RPRD1B: variants seen among roughly 807,000 people sequenced by gnomAD.
RPRD1B encodes the protein regulation of nuclear pre-mRNA domain containing 1B, also known as regulation of nuclear pre-mRNA domain-containing protein 1B.
A neutral mutation model predicts 41.5 loss-of-function variants in RPRD1B; 11 were observed. That is an observed-to-expected ratio of 0.27 (90% CI 0.17 to 0.44). RPRD1B has a LOEUF of 0.44. RPRD1B is among the 20% of genes least tolerant of loss of function. The pLI is 1.00. For synonymous variants in RPRD1B, 158 were observed against 155.6 expected, an observed-to-expected ratio of 1.02 and a Z score of -0.12; for missense variants, 248 against 389.9, an observed-to-expected ratio of 0.64 and a Z score of 3.06.
rs1018154479 is a variant in RPRD1B, at chr20:38,090,992, G to A, written c.*1117G>A. ...TCGTCTCGGGCAGGGGAAGCGGGGA[G>A]TTGGGGATATTAATTGGGGGTTTTA... On this transcript the variant is annotated 3_prime_UTR_variant, in exon 7 of 7. Coordinates refer to ENST00000373433, the MANE Select transcript of RPRD1B (RefSeq NM_021215.4). 1.3e-5 allele frequency: 13 copies of A among 985,458 alleles called. No homozygotes were observed. The African/African-American group carries it at 2.1e-4, about 16-fold the overall frequency. The allele number at this position is 985,458 out of a possible 1,614,324, so 61.0% of individuals were successfully genotyped here. A position where few individuals can be genotyped will look rare whatever the true frequency, so the allele number is the denominator to read the frequency against.
At chr20:38,036,551 C>A (rs898283196) in intron 1 of RPRD1B, among the ~76,000 whole-genome samples, 2 of 152,156 alleles carry the variant, frequency 1.3e-5, no homozygotes, top group Non-Finnish European at 2.9e-5. Context: ...TGTTTATTTG[C>A]AACACCACAG....
intron 6 of RPRD1B, 118 bp downstream of exon 6, chr20:38,066,374 G>C (rs913662070): frequency 3.1e-6 from 3 of 975,550 alleles, no homozygotes; most frequent in Non-Finnish European, 4.5e-6. Context: ...TTCATGATGT[G>C]AATTCTGAAC....
intron 2 of RPRD1B, among the ~76,000 whole-genome samples, chr20:38,042,445 C>T (rs1385221912): frequency 6.6e-6 from 1 of 152,112 alleles, no homozygotes; most frequent in Non-Finnish European, 1.5e-5. Flanking sequence ...TGGGCAACAC[C>T]AGGGTTAAAA....
intron 1 of RPRD1B, among the ~76,000 whole-genome samples, chr20:38,037,157 CT>C (rs1213667720): frequency 1.3e-5 from 2 of 152,178 alleles, no homozygotes; most frequent in Non-Finnish European, 2.9e-5. Context: ...TAAAAATTAA[CT>C]TTTTTTCTTG....
In RPRD1B at chr20:38,034,112, C is replaced by T. The variant is rs765923454; in HGVS notation, c.151+14C>T. On this transcript the variant is annotated intron_variant, in intron 1 of 6. Coordinates refer to ENST00000373433, the MANE Select transcript of RPRD1B (RefSeq NM_021215.4). ...AGCTCCGCAAAGGTAAACACCAAATCCCCACCCCCTGGACGGTCCCCGGAT... is the reference window on the plus strand; with the variant it reads ...AGCTCCGCAAAGGTAAACACCAAATTCCCACCCCCTGGACGGTCCCCGGAT... 1.9e-6 allele frequency: 3 copies of T among 1,609,900 alleles called. No homozygotes were observed. The highest frequency in any genetic ancestry group is 1.3e-5 in the African/African-American group (1 of 75,036).
chr20:38,061,861 A>AC (rs745626754), intron 5 of RPRD1B, among the ~76,000 whole-genome samples: 1 of 151,374 alleles, frequency 6.6e-6, no homozygotes, highest in South Asian at 2.1e-4. Flanking sequence ...ATGCCTCCTG[A>AC]CCCCCCACCC....
chr20:38,086,946 GT>G (rs962274718), intron 6 of RPRD1B, among the ~76,000 whole-genome samples: 1 of 151,718 alleles, frequency 6.6e-6, no homozygotes, highest in African/African-American at 2.4e-5. Context: ...GTTTTTTGGG[GT>G]TTTTTTTGTT....
At chr20:38,034,524 G>C (rs1177150955) in intron 1 of RPRD1B, among the ~76,000 whole-genome samples, 1 of 152,336 alleles carries the variant, frequency 6.6e-6, no homozygotes, top group East Asian at 1.9e-4. Context: ...ATAATACTGG[G>C]AGAGTTTCTT....
At position 38,091,040 on chromosome 20, in the gene RPRD1B, CATT is replaced by C. The variant is rs2074607889; in HGVS notation, c.*1168_*1170del. On this transcript the variant is annotated 3_prime_UTR_variant, in exon 7 of 7. Transcript: ENST00000373433. ...TTAATTCTATTATCATGTCAGCTGA[CATT>C]ATGACTATATAATGTAGTTAGAGAC... The C allele has an allele frequency of 9.1e-6, 9 of 985,598 alleles. No homozygotes were observed. Among genetic ancestry groups the C allele is most frequent in the African/African-American group, 3.5e-5 (2 of 57,208 alleles). 61.1% of individuals were successfully genotyped at this position (985,598 alleles called of 1,614,324 possible).
chr20:38,090,757 G>A lies in RPRD1B; in HGVS notation c.*882G>A, dbSNP rs2074605426. The A allele has an allele frequency of 2.0e-6, 2 of 985,488 alleles. No homozygotes were observed. Among genetic ancestry groups the A allele is most frequent in the South Asian group, 9.4e-5 (2 of 21,290 alleles). 61.0% of individuals were successfully genotyped at this position (985,488 alleles called of 1,614,324 possible). On this transcript the variant is annotated 3_prime_UTR_variant, in exon 7 of 7. Transcript: ENST00000373433. ...CACAGGTGTGCTGCATTTGGGATCT[G>A]TGTGGGTGTTTCTTGGACCCTTTCT...
chr20:38,090,285 A>G lies in RPRD1B; in HGVS notation c.*410A>G. 2 of 988,438 alleles carry G rather than the reference A, an allele frequency of 2.0e-6. No homozygotes were observed. The highest frequency in any genetic ancestry group is 2.4e-6 in the Non-Finnish European group (2 of 831,658). 61.2% of individuals were successfully genotyped at this position (988,438 alleles called of 1,614,324 possible). A position where few individuals can be genotyped will look rare whatever the true frequency, so the allele number is the denominator to read the frequency against. On this transcript the variant is annotated 3_prime_UTR_variant, in exon 7 of 7. Coordinates refer to ENST00000373433, the MANE Select transcript of RPRD1B (RefSeq NM_021215.4). The stretch of plus-strand genomic sequence containing the variant: ...CTCCTTTCTGGGCTGGGCTTGTTCA[A>G]GTTCGGTGTGGGCTTCCACTAAGGC...
chr20:38,077,607 G>A (rs1341572730), intron 6 of RPRD1B, among the ~76,000 whole-genome samples: 1 of 152,056 alleles, frequency 6.6e-6, no homozygotes, highest in Non-Finnish European at 1.5e-5. Flanking sequence ...TAGGTGCTAC[G>A]CCAGTGTGGT....
intron 6 of RPRD1B, among the ~76,000 whole-genome samples, chr20:38,079,067 T>C (rs1446889762): frequency 2.6e-5 from 4 of 152,138 alleles, no homozygotes; most frequent in Non-Finnish European, 5.9e-5. Context: ...GGGGTGAGTG[T>C]TCTTTCTCCA....
intron 6 of RPRD1B, among the ~76,000 whole-genome samples, chr20:38,087,553 C>T (rs910230777): frequency 6.6e-6 from 1 of 152,174 alleles, no homozygotes; most frequent in African/African-American, 2.4e-5. Flanking sequence ...AGAATTCAGG[C>T]AGGGGGCAGG....
chr20:38,069,898 C>T (rs1200917608), intron 6 of RPRD1B, among the ~76,000 whole-genome samples: 1 of 152,212 alleles, frequency 6.6e-6, no homozygotes, highest in East Asian at 1.9e-4. Context: ...CCAAAGTTTG[C>T]TAGACTGTAT....
At chr20:38,034,963 C>T (rs901130240) in intron 1 of RPRD1B, among the ~76,000 whole-genome samples, 2 of 152,174 alleles carry the variant, frequency 1.3e-5, no homozygotes, top group Non-Finnish European at 2.9e-5. Context: ...CTGAAATTTA[C>T]TATGTCTTTA....
rs867316573 is a variant in RPRD1B, at chr20:38,059,434, C to T, written c.569C>T (p.Ala190Val). The change falls in exon 5 of 7, where the codon GCC becomes GTC. Residue 190 changes from alanine to valine, a missense_variant. Ala to Val is a moderately conservative substitution (Grantham distance 64, BLOSUM62 0). Coordinates refer to ENST00000373433, the MANE Select transcript of RPRD1B (RefSeq NM_021215.4). ...AAAGCTTTGCAGGATCTGGAAAATGCCGCATCAGGGGATGCTACTGTCCGA... is the reference window on the plus strand; with the variant it reads ...AAAGCTTTGCAGGATCTGGAAAATGTCGCATCAGGGGATGCTACTGTCCGA... ...LIKALQDLEN[A>V]ASGDATVRQK... 1 of 1,613,678 alleles carries T rather than the reference C, an allele frequency of 6.2e-7. No homozygotes were observed. The highest frequency in any genetic ancestry group is 8.5e-7 in the Non-Finnish European group (1 of 1,179,732).
chr20:38,071,177 G>T (rs2074409795), intron 6 of RPRD1B, among the ~76,000 whole-genome samples: 1 of 152,222 alleles, frequency 6.6e-6, no homozygotes, highest in Admixed American at 6.5e-5. Flanking sequence ...TGAGAAATTT[G>T]TTCCAAGCTG....
chr20:38,059,284 T>C, intron 4 of RPRD1B, 110 bp from the exon 5 acceptor site: 1 of 1,146,536 alleles, frequency 8.7e-7, no homozygotes, highest in Non-Finnish European at 1.2e-6. Flanking sequence ...TTTTAAGAAA[T>C]GGCAGGAATG....
Sources: gnomAD v4.1 joint callset for allele counts (sites outside exome capture counted in the v4.1 genomes callset) on GRCh38, gnomAD v4.1.1 for gene constraint, MANE v1.5 for transcripts, NCBI Gene and HGNC (gene_info 2026-07-23, HGNC 2026-07-21) for gene names.